Variants in DNAH1 observed in about 807,000 individuals in gnomAD.
DNAH1 encodes the protein axonemal beta dynein heavy chain 1.
In DNAH1, 327 loss-of-function variants were observed where a neutral mutation model predicts 484.3. The observed-to-expected ratio is 0.68, with a 90% CI of 0.62 to 0.74. DNAH1 has a LOEUF of 0.74. Among genes scored for constraint, DNAH1 ranks in the 30% least tolerant of loss-of-function variants. The probability of loss-of-function intolerance (pLI) is 0.00; values close to 1 mark genes in which losing one functional copy is unlikely to be tolerated. For synonymous variants in DNAH1, 2,192 were observed against 2,191.9 expected (o/e 1.00, Z 0.00); for missense variants, 5,052 against 5,546.8 (o/e 0.91, Z 2.83).
chr3:52,360,864 C>T (rs1220084848), intron 28 of DNAH1, among the ~76,000 whole-genome samples: 10 of 152,238 alleles, frequency 6.6e-5, no homozygotes, highest in Admixed American at 3.3e-4. Flanking sequence ...ATCTTGCCGC[C>T]TGTGTCTAGC....
intron 27 of DNAH1, 40 bp downstream of exon 27, chr3:52,360,119 C>T (rs759309369): frequency 1.2e-6 from 2 of 1,612,406 alleles, no homozygotes; most frequent in East Asian, 2.2e-5. Flanking sequence ...AGAGCAGCTG[C>T]CAGGAAGGGG....
intron 44 of DNAH1, chr3:52,374,218 C>T (rs985865465): frequency 3.4e-5 from 47 of 1,372,864 alleles, no homozygotes; most frequent in Admixed American, 8.4e-5. Context: ...ATCATAATGG[C>T]ATAGCAGAGT....
chr3:52,375,723 T>C (rs1365041408), intron 45 of DNAH1, among the ~76,000 whole-genome samples: 1 of 152,214 alleles, frequency 6.6e-6, no homozygotes, highest in Non-Finnish European at 1.5e-5. Context: ...CTCACTCACA[T>C]ACATACATAC....
rs1429641552 is a variant in DNAH1, at chr3:52,362,416, A to G, written c.5009A>G (p.Glu1670Gly). 1.2e-6 allele frequency: 2 copies of G among 1,613,786 alleles called. No homozygotes were observed. The highest frequency in any genetic ancestry group is 1.7e-6 in the Non-Finnish European group (2 of 1,179,868). ...GAACGCTTCATGTTTGAGGGTGTGG[A>G]GATCCCACTGGTGCCATCCTGCGCA... ...RVERFMFEGVEIPLVPSCAVF... is the reference protein window; with the variant it reads ...RVERFMFEGVGIPLVPSCAVF... The change falls in exon 31 of 78, where the codon GAG becomes GGG. Residue 1670 changes from glutamate to glycine, a missense_variant. Glu to Gly is a moderately conservative substitution (Grantham distance 98). Transcript: ENST00000420323. This position sits in a 1 kb window ranked among gnomAD's most constrained non-coding sequence, Gnocchi z 5.1.
chr3:52,377,004 T>G (rs1468593557), intron 46 of DNAH1, among the ~76,000 whole-genome samples: 2 of 152,060 alleles, frequency 1.3e-5, no homozygotes, highest in Admixed American at 1.3e-4. Flanking sequence ...GGGCTTGGTC[T>G]CCAGCCTCCT....
chr3:52,340,650 G>T (rs1701903615), intron 8 of DNAH1, among the ~76,000 whole-genome samples: 2 of 151,842 alleles, frequency 1.3e-5, no homozygotes, highest in African/African-American at 2.4e-5. Flanking sequence ...GGCCAGGCTG[G>T]TCTTGAACTC....
In DNAH1 at chr3:52,353,517, G is replaced by A; in HGVS notation, c.3364G>A (p.Val1122Ile). 2 of 1,613,918 alleles carry A rather than the reference G, an allele frequency of 1.2e-6. No individual in the cohort carries two copies. The highest frequency in any genetic ancestry group is 1.7e-6 in the Non-Finnish European group (2 of 1,179,890). Residue 1122 changes from valine to isoleucine, a missense_variant, in exon 20 of 78, where the codon GTC becomes ATC. Physicochemically the swap from Val to Ile is conservative, Grantham distance 29 (BLOSUM62 3). Around this residue, in one of 4 missense-constraint regions of DNAH1, gnomAD observed 2,929 missense variants for 3,409.4 expected, o/e 0.86. Coordinates refer to ENST00000420323, the MANE Select transcript of DNAH1 (RefSeq NM_015512.5). This position sits in a 1 kb window ranked among gnomAD's most constrained non-coding sequence, Gnocchi z 5.0. ...ETLSNQININ[V>I]RPKANLTFAR... is the part of the protein sequence containing the mutation. ...ACTGTCCAACCAGATCAACATCAAT[G>A]TCAGGCCCAAGGCCAACCTGACCTT...
intron 16 of DNAH1, 147 bp from the exon 17 acceptor site, chr3:52,351,815 C>T: frequency 1.0e-6 from 1 of 971,508 alleles, no homozygotes; most frequent in Non-Finnish European, 1.5e-6. Flanking sequence ...CTGTCTGGCC[C>T]CAGGTAGCCT....
upstream of DNAH1, among the ~76,000 whole-genome samples, chr3:52,312,887 C>T (rs1559476686): frequency 2.0e-5 from 3 of 151,916 alleles, no homozygotes; most frequent in South Asian, 4.2e-4. Flanking sequence ...CTCCTGACCT[C>T]GTGATCTGCC....
At chr3:52,392,335 A>T in intron 63 of DNAH1, 129 bp from the exon 64 acceptor site, 1 of 812,852 alleles carries the variant, frequency 1.2e-6, no homozygotes, top group Non-Finnish European at 2.0e-6. Flanking sequence ...TAGGCCTCCT[A>T]GGCCAACACT....
intron 70 of DNAH1, 43 bp from the exon 71 acceptor site, chr3:52,396,325 C>T (rs1704622230): frequency 1.9e-6 from 3 of 1,539,466 alleles, no homozygotes; most frequent in Non-Finnish European, 2.6e-6. Flanking sequence ...AGGGTGGCCA[C>T]CAGATATGGG....
At chr3:52,399,320 C>A in intron 76 of DNAH1, 119 bp downstream of exon 76, 1 of 1,161,194 alleles carries the variant, frequency 8.6e-7, no homozygotes, top group Non-Finnish European at 1.2e-6. Flanking sequence ...CATGGAAAGA[C>A]CCAAGCCAGA....
chr3:52,370,492 C>A lies in DNAH1; in HGVS notation c.6274C>A (p.Pro2092Thr), dbSNP rs755254723. The change falls in exon 40 of 78, where the codon CCC becomes ACC. Residue 2092 changes from proline (P) to threonine (T), a missense_variant. Pro to Thr is a conservative substitution (Grantham distance 38). Transcript: ENST00000420323. ...TCATCCCCAGGGCCTCAAGAAAATACCCTCTGAAAAGCTGAGTCGCATCGT... is the reference window on the plus strand; with the variant it reads ...TCATCCCCAGGGCCTCAAGAAAATAACCTCTGAAAAGCTGAGTCGCATCGT... The part of the protein sequence containing the change: ...FLPREGLKKI[P>T]SEKLSRIVEL... 3.7e-6 allele frequency: 6 copies of A among 1,613,994 alleles called. No individual in the cohort carries two copies. The South Asian group carries it at 4.4e-5, about 12-fold the overall frequency.
In DNAH1 at chr3:52,363,072, T is replaced by G. The variant is rs918760091; in HGVS notation, c.5172T>G (p.Phe1724Leu). ...AGATCTCCCTCTATTCCTTTGGCTT[T>G]AATGAGGCCAGTGTGCTGGCTAAGA... Reference protein sequence around the residue: ...ITEISLYSFGFNEASVLAKKI... With the variant: ...ITEISLYSFGLNEASVLAKKI... The change falls in exon 32 of 78, where the codon TTT (phenylalanine) becomes TTG (leucine). Residue 1724 changes from phenylalanine (F) to leucine (L), a missense_variant. By Grantham distance (22) the Phe-to-Leu change is conservative (BLOSUM62 0). Around this residue, in one of 4 missense-constraint regions of DNAH1, gnomAD observed 2,929 missense variants for 3,409.4 expected, o/e 0.86. Coordinates refer to ENST00000420323, the MANE Select transcript of DNAH1 (RefSeq NM_015512.5). The G allele has an allele frequency of 3.7e-6, 6 of 1,613,880 alleles. No homozygotes were observed. The highest frequency in any genetic ancestry group is 5.1e-6 in the Non-Finnish European group (6 of 1,179,882).
intron 3 of DNAH1, 37 bp downstream of exon 3, chr3:52,323,917 T>A: frequency 6.6e-7 from 1 of 1,508,668 alleles, no homozygotes; most frequent in Non-Finnish European, 9.0e-7. Flanking sequence ...TGGGTCCCGG[T>A]AGGTATTTCA....
rs1237355166 is a variant in DNAH1 at position 52,353,515 on chromosome 3, A to G, written c.3362A>G (p.Asn1121Ser). 3.7e-6 allele frequency: 6 copies of G among 1,613,794 alleles called. No homozygotes were observed. Among genetic ancestry groups the G allele is most frequent in the Non-Finnish European group, 4.2e-6 (5 of 1,179,898 alleles). The stretch of plus-strand genomic sequence containing the variant: ...ACACTGTCCAACCAGATCAACATCA[A>G]TGTCAGGCCCAAGGCCAACCTGACC... ...WETLSNQINI[N>S]VRPKANLTFA... The change falls in exon 20 of 78, where the codon AAT becomes AGT. Residue 1121 changes from asparagine to serine, a missense_variant. Transcript: ENST00000420323. The surrounding 1 kb of genome is among the most constrained non-coding windows in gnomAD (Gnocchi z 5.0).
At chr3:52,328,848 T>G (rs1192510287) in intron 6 of DNAH1, among the ~76,000 whole-genome samples, 1 of 152,216 alleles carries the variant, frequency 6.6e-6, no homozygotes, top group Non-Finnish European at 1.5e-5. Context: ...TGAAGGCTGC[T>G]CTGCTCCCCA....
intron 70 of DNAH1, 81 bp from the exon 71 acceptor site, chr3:52,396,287 G>A (rs986719863): frequency 4.1e-6 from 6 of 1,465,730 alleles, no homozygotes; most frequent in East Asian, 2.5e-5. Flanking sequence ...CCACCTCAGG[G>A]TCCCTGGGCA....
At position 52,362,137 on chromosome 3, in the gene DNAH1, G is replaced by A. The variant is rs553566749; in HGVS notation, c.4981-251G>A. 7.9e-5 allele frequency among the ~76,000 whole-genome samples: 12 copies of A among 152,334 alleles called. No homozygotes were observed. Among genetic ancestry groups the A allele is most frequent in the South Asian group, 4.1e-4 (2 of 4,826 alleles). On this transcript the variant is annotated intron_variant, in intron 30 of 77. Transcript: ENST00000420323. This position sits in a 1 kb window ranked among gnomAD's most constrained non-coding sequence, Gnocchi z 5.1. ...GGAGCTGGGGAATTGGGGGTGGAGC[G>A]AGTGGGAAGCAGGAGATGTGGAGAC...
Sources: allele counts gnomAD v4.1 joint callset (sites outside exome capture counted in the v4.1 genomes callset), GRCh38; gene constraint gnomAD v4.1.1; regional missense constraint gnomAD v4.1.1; non-coding constraint Gnocchi (gnomAD v3.1); transcripts MANE v1.5; gene names NCBI Gene and HGNC (gene_info 2026-07-23, HGNC 2026-07-21).